SYTL1: variants seen among roughly 807,000 people sequenced by gnomAD.
SYTL1 encodes synaptotagmin-like protein 1.
SYTL1 carries 53 observed loss-of-function variants against 74.6 expected under a neutral mutation model. The observed-to-expected ratio is 0.71, with a 90% CI of 0.57 to 0.89. The LOEUF is 0.89. Among genes scored for constraint, SYTL1 ranks in the 40% least tolerant of loss-of-function variants. The pLI is 0.00. For synonymous variants in SYTL1, 329 were observed against 324.9 expected (o/e 1.01, Z -0.14); for missense variants, 728 against 768.7 (o/e 0.95, Z 0.63).
rs781121106 is a variant in SYTL1, at chr1:27,351,203, C to T, written c.1165-55C>T. The stretch of plus-strand genomic sequence containing the variant: ...CCCATCCGGGTCTGCAGACCCCACC[C>T]TCCTGAGGCCCCTTTCCATTAGCCC... On this transcript the variant is annotated intron_variant, in intron 11 of 14. Coordinates refer to ENST00000616558, the MANE Select transcript of SYTL1 (RefSeq NM_001193308.2). This position sits in a 1 kb window ranked among gnomAD's most constrained non-coding sequence, Gnocchi z 5.0. 15 of 1,539,458 alleles carry T rather than the reference C, an allele frequency of 9.7e-6. No individual in the cohort carries two copies. The highest frequency in any genetic ancestry group is 2.7e-5 in the African/African-American group (2 of 72,928).
chr1:27,347,497 C>T lies in SYTL1; in HGVS notation c.268C>T (p.Gln90Ter). Residue 90 changes from glutamine to a stop codon, truncating the protein, a stop_gained, in exon 3 of 15, where the codon CAG (glutamine) becomes TAG (stop). Coordinates refer to ENST00000616558, the MANE Select transcript of SYTL1 (RefSeq NM_001193308.2). LOFTEE classifies it high-confidence loss of function. The surrounding 1 kb of genome is among the most constrained non-coding windows in gnomAD (Gnocchi z 4.9). ...GGACTGGTTCCAGGAAGCACGCTCCCAGCGGCACCACAATGCCCACTTCGG... is the reference window on the plus strand; with the variant it reads ...GGACTGGTTCCAGGAAGCACGCTCCTAGCGGCACCACAATGCCCACTTCGG... ...TGDWFQEARS[Q>*]RHHNAHFGSD... 1 of 1,614,152 alleles carries T rather than the reference C, an allele frequency of 6.2e-7. No individual in the cohort carries two copies. Among genetic ancestry groups the T allele is most frequent in the Non-Finnish European group, 8.5e-7 (1 of 1,180,054 alleles).
Position 27,353,804 on chromosome 1 carries a change from G to T in SYTL1, c.1641G>T (p.Trp547Cys), listed in dbSNP as rs1248316714. ...WQALLEQPCE[W>C]VDGLLPLRTN... ...CCCTCCTGGAGCAGCCGTGCGAATGGGTGGATGGCCTTCTACCCCTCAGAA... is the reference window on the plus strand; with the variant it reads ...CCCTCCTGGAGCAGCCGTGCGAATGTGTGGATGGCCTTCTACCCCTCAGAA... Residue 547 changes from tryptophan (W) to cysteine (C), a missense_variant, in exon 15 of 15, where the codon TGG becomes TGT. Coordinates refer to ENST00000616558, the MANE Select transcript of SYTL1 (RefSeq NM_001193308.2). The T allele has an allele frequency of 6.2e-7, 1 of 1,614,070 alleles. No homozygotes were observed. The highest frequency in any genetic ancestry group is 8.5e-7 in the Non-Finnish European group (1 of 1,179,956).
rs1222959725 is a variant in SYTL1 at position 27,343,707 on chromosome 1, A to C, written c.-39+1557A>C. On this transcript the variant is annotated intron_variant, in intron 1 of 14. Transcript: ENST00000616558. This position sits in a 1 kb window ranked among gnomAD's most constrained non-coding sequence, Gnocchi z 5.2. ...GCATTTAATTAATCAAACTTTTACC[A>C]ACCATCTGTTGTGTGCAAAGTAATG... Among the ~76,000 whole-genome samples the C allele has an allele frequency of 6.6e-6, 1 of 151,952 alleles. No homozygotes were observed.
intron 14 of SYTL1, 102 bp from the exon 15 acceptor site, chr1:27,353,611 T>G: frequency 6.5e-7 from 1 of 1,549,700 alleles, no homozygotes; most frequent in African/African-American, 1.4e-5. Context: ...GAACTGAGGG[T>G]GGTAACGGGG....
At position 27,351,885 on chromosome 1, in the gene SYTL1, T is replaced by A. The variant is rs2015292757; in HGVS notation, c.1343+330T>A. 4.1e-6 allele frequency: 1 copy of A among 244,174 alleles called. No homozygotes were observed. The highest frequency in any genetic ancestry group is 7.8e-6 in the Non-Finnish European group (1 of 128,168). The allele number at this position is 244,174 out of a possible 1,614,324, so 15.1% of individuals were successfully genotyped here. On this transcript the variant is annotated intron_variant, in intron 13 of 14. Coordinates refer to ENST00000616558, the MANE Select transcript of SYTL1 (RefSeq NM_001193308.2). This position sits in a 1 kb window ranked among gnomAD's most constrained non-coding sequence, Gnocchi z 5.0. The stretch of plus-strand genomic sequence containing the variant: ...TCAGTGTAAGCTTCTAGGGGACTTC[T>A]AGGGGTGCCTCCAGGTGCTGCCCCC...
intron 14 of SYTL1, 103 bp from the exon 15 acceptor site, chr1:27,353,610 G>T: frequency 6.4e-7 from 1 of 1,550,702 alleles, no homozygotes; most frequent in South Asian, 1.2e-5. Flanking sequence ...AGAACTGAGG[G>T]TGGTAACGGG....
rs979378434 is a variant in SYTL1, at chr1:27,349,999, G to A, written c.775G>A (p.Gly259Ser). 1.3e-6 allele frequency: 2 copies of A among 1,568,078 alleles called. No individual in the cohort carries two copies. Among genetic ancestry groups the A allele is most frequent in the African/African-American group, 1.4e-5 (1 of 73,096 alleles). Residue 259 changes from glycine to serine, a missense_variant, in exon 9 of 15, where the codon GGC becomes AGC. Transcript: ENST00000616558. ...GAGCGGCAGCCAGATGAGCCTGTCAGGCGACGCGGAGGCGGTGCAGGTCCG... is the reference window on the plus strand; with the variant it reads ...GAGCGGCAGCCAGATGAGCCTGTCAAGCGACGCGGAGGCGGTGCAGGTCCG... ...TLSGSQMSLS[G>S]DAEAVQVRGS...
chr1:27,343,983 G>C lies in SYTL1; in HGVS notation c.-38-1314G>C, dbSNP rs552213177. Among the ~76,000 whole-genome samples the C allele has an allele frequency of 6.6e-6, 1 of 152,330 alleles. No homozygotes were observed. Among genetic ancestry groups the C allele is most frequent in the Admixed American group, 6.5e-5 (1 of 15,296 alleles). On this transcript the variant is annotated intron_variant, in intron 1 of 14. Coordinates refer to ENST00000616558, the MANE Select transcript of SYTL1 (RefSeq NM_001193308.2). The surrounding 1 kb of genome is among the most constrained non-coding windows in gnomAD (Gnocchi z 5.2). ...GAGTCTCACTCTTGCCCAGGCTGGA[G>C]TGCAGTGGCGCCATCTCAGCTCACT...
Position 27,353,916 on chromosome 1 carries a change from G to A in SYTL1, c.*64G>A. ...CCTGCCCTTGGCTAAAGTCAATAAA[G>A]TCTATTCTAAGAGCAATAAAAGGCT... On this transcript the variant is annotated 3_prime_UTR_variant, in exon 15 of 15. Transcript: ENST00000616558. 1.3e-6 allele frequency: 2 copies of A among 1,485,398 alleles called. No homozygotes were observed. The highest frequency in any genetic ancestry group is 1.9e-6 in the Non-Finnish European group (2 of 1,076,876). 92.0% of individuals were successfully genotyped at this position (1,485,398 alleles called of 1,614,324 possible).
rs1327485801 is a variant in SYTL1 at position 27,349,549 on chromosome 1, G to A, written c.633+51G>A. 3.4e-6 allele frequency: 5 copies of A among 1,471,118 alleles called. No homozygotes were observed. In the East Asian group the frequency reaches 1.3e-4, roughly 37 times the overall value. 91.1% of individuals were successfully genotyped at this position (1,471,118 alleles called of 1,614,324 possible). A position where few individuals can be genotyped will look rare whatever the true frequency, so the allele number is the denominator to read the frequency against. On this transcript the variant is annotated intron_variant, in intron 7 of 14. Coordinates refer to ENST00000616558, the MANE Select transcript of SYTL1 (RefSeq NM_001193308.2). ...TCTCAACATCCGGAGCGGACTCCGG[G>A]CGGGGAGCGCTCCTGCCCAGGGCTG...
rs1329462772 is a variant in SYTL1, at chr1:27,350,123, G to A, written c.899G>A (p.Arg300His). 24 of 1,394,676 alleles carry A rather than the reference G, an allele frequency of 1.7e-5. No homozygotes were observed. Among genetic ancestry groups the A allele is most frequent in the Admixed American group, 1.1e-4 (3 of 26,926 alleles). The allele number at this position is 1,394,676 out of a possible 1,614,324, so 86.4% of individuals were successfully genotyped here. A position where few individuals can be genotyped will look rare whatever the true frequency, so the allele number is the denominator to read the frequency against. ...GGCCTGGCCGCCGCCCGGCGCCGCC[G>A]CTCGGACCCGTGAGTGCCCCGCCGG... ...CQGLAAARRR[R>H]SDPYVKSYLL... Residue 300 changes from arginine (R) to histidine (H), a missense_variant, in exon 9 of 15, where the codon CGC (arginine) becomes CAC (histidine). By Grantham distance (29) the Arg-to-His change is conservative (BLOSUM62 0). Coordinates refer to ENST00000616558, the MANE Select transcript of SYTL1 (RefSeq NM_001193308.2). This position sits in a 1 kb window ranked among gnomAD's most constrained non-coding sequence, Gnocchi z 6.3.
At position 27,350,640 on chromosome 1, in the gene SYTL1, G is replaced by C. The variant is rs950626933; in HGVS notation, c.1006-154G>C. On this transcript the variant is annotated intron_variant, in intron 10 of 14. Transcript: ENST00000616558. The surrounding 1 kb of genome is among the most constrained non-coding windows in gnomAD (Gnocchi z 6.3). The stretch of plus-strand genomic sequence containing the variant: ...ATCCAGTGTTGTCAGCCTCGTGGTG[G>C]GCGTGGTGATAGTGCAGGTCCCCAT... 5 of 1,059,718 alleles carry C rather than the reference G, an allele frequency of 4.7e-6. No homozygotes were observed. The highest frequency in any genetic ancestry group is 6.9e-6 in the Non-Finnish European group (5 of 728,790). The allele number at this position is 1,059,718 out of a possible 1,614,324, so 65.6% of individuals were successfully genotyped here.
rs762271106 is a variant in SYTL1, at chr1:27,348,060, T to TG, written c.459+50dup. On this transcript the variant is annotated intron_variant, in intron 5 of 14. Coordinates refer to ENST00000616558, the MANE Select transcript of SYTL1 (RefSeq NM_001193308.2). This position sits in a 1 kb window ranked among gnomAD's most constrained non-coding sequence, Gnocchi z 4.1. ...GAGTACAGTGTCCCTGGAGGGGAGG[T>TG]GGAATGTGCAGGGGGCAGGGGGGAA... 2 of 1,587,382 alleles carry TG rather than the reference T, an allele frequency of 1.3e-6. No individual in the cohort carries two copies. The highest frequency in any genetic ancestry group is 1.7e-6 in the Non-Finnish European group (2 of 1,158,062).
chr1:27,350,504 T>C lies in SYTL1; in HGVS notation c.1005+19T>C. The C allele has an allele frequency of 6.3e-7, 1 of 1,596,306 alleles. No homozygotes were observed. Among genetic ancestry groups the C allele is most frequent in the Non-Finnish European group, 8.6e-7 (1 of 1,166,300 alleles). ...TCTCCGGGTGAGGCTGTGACCACGA[T>C]GCGGTTCCCCGTTAATGAACTGGAC... On this transcript the variant is annotated intron_variant, in intron 10 of 14. Transcript: ENST00000616558. This position sits in a 1 kb window ranked among gnomAD's most constrained non-coding sequence, Gnocchi z 6.3.
chr1:27,345,242 T>C lies in SYTL1; in HGVS notation c.-38-55T>C. On this transcript the variant is annotated intron_variant, in intron 1 of 14. Transcript: ENST00000616558. The surrounding 1 kb of genome is among the most constrained non-coding windows in gnomAD (Gnocchi z 6.0). ...TTGGGGAGAAAAGGGCTGTTGGTTC[T>C]AGGATGTGCCAAGCATTTGTGCAGG... 1 of 1,008,164 alleles carries C rather than the reference T, an allele frequency of 9.9e-7. No homozygotes were observed. The highest frequency in any genetic ancestry group is 1.4e-6 in the Non-Finnish European group (1 of 713,850). The allele number at this position is 1,008,164 out of a possible 1,614,324, so 62.5% of individuals were successfully genotyped here.
chr1:27,347,743 C>G lies in SYTL1; in HGVS notation c.341-65C>G. 8 of 1,566,424 alleles carry G rather than the reference C, an allele frequency of 5.1e-6. No individual in the cohort carries two copies. The highest frequency in any genetic ancestry group is 6.9e-6 in the Non-Finnish European group (8 of 1,153,270). On this transcript the variant is annotated intron_variant, in intron 3 of 14. Coordinates refer to ENST00000616558, the MANE Select transcript of SYTL1 (RefSeq NM_001193308.2). The surrounding 1 kb of genome is among the most constrained non-coding windows in gnomAD (Gnocchi z 4.9). ...GGGGTGGGTGGGTATCTCCCAGGGCCTCTCCCGAGTCACAGCCAGGCTTCC... is the reference window on the plus strand; with the variant it reads ...GGGGTGGGTGGGTATCTCCCAGGGCGTCTCCCGAGTCACAGCCAGGCTTCC...
rs2015264866 is a variant in SYTL1, at chr1:27,351,322, C to T, written c.1229C>T (p.Pro410Leu). ...GLLALSLKYV[P>L]AGSEGAGLPP... Reference sequence around the variant, plus strand: ...CTCGCCCTGTCCCTCAAGTACGTCCCCGCCGGCTCCGAGGGTGAGTGACAG... The same window carrying T: ...CTCGCCCTGTCCCTCAAGTACGTCCTCGCCGGCTCCGAGGGTGAGTGACAG... The change falls in exon 12 of 15, where the codon CCC becomes CTC. Residue 410 changes from proline (P) to leucine (L), a missense_variant. Physicochemically the swap from Pro to Leu is moderately conservative, Grantham distance 98. Transcript: ENST00000616558. The surrounding 1 kb of genome is among the most constrained non-coding windows in gnomAD (Gnocchi z 5.0). 4 of 1,555,900 alleles carry T rather than the reference C, an allele frequency of 2.6e-6. No individual in the cohort carries two copies. The highest frequency in any genetic ancestry group is 1.8e-4 in the Middle Eastern group (1 of 5,432).
rs545663058 is a variant in SYTL1, at chr1:27,348,976, C to G, written c.460-104C>G. ...CCGGAGGGCTGCCCTAAACCTGAAACTGGGGTAGCTGGCTGGAGCCCTATG... is the reference window on the plus strand; with the variant it reads ...CCGGAGGGCTGCCCTAAACCTGAAAGTGGGGTAGCTGGCTGGAGCCCTATG... On this transcript the variant is annotated intron_variant, in intron 5 of 14. Transcript: ENST00000616558. The surrounding 1 kb of genome is among the most constrained non-coding windows in gnomAD (Gnocchi z 4.1). 9.7e-5 allele frequency: 88 copies of G among 906,180 alleles called. No individual in the cohort carries two copies. In the East Asian group the frequency reaches 2.3e-3, roughly 23 times the overall value. 56.1% of individuals were successfully genotyped at this position (906,180 alleles called of 1,614,324 possible).
chr1:27,347,537 G>A lies in SYTL1; in HGVS notation c.308G>A (p.Arg103Gln), dbSNP rs528890601. 206 of 1,613,956 alleles carry A rather than the reference G, an allele frequency of 1.3e-4. No homozygotes were observed. The highest frequency in any genetic ancestry group is 1.7e-4 in the Admixed American group (10 of 60,002). ...GCCCACTTCGGCTCTGACCTTGTCCGAGCGTCTATGCGCAGGAAGAAGAGC... is the reference window on the plus strand; with the variant it reads ...GCCCACTTCGGCTCTGACCTTGTCCAAGCGTCTATGCGCAGGAAGAAGAGC... Reference protein sequence around the residue: ...HNAHFGSDLVRASMRRKKSTR... With the variant: ...HNAHFGSDLVQASMRRKKSTR... Residue 103 changes from arginine to glutamine, a missense_variant, in exon 3 of 15, where the codon CGA (arginine) becomes CAA (glutamine). By Grantham distance (43) the Arg-to-Gln change is conservative (BLOSUM62 1). Coordinates refer to ENST00000616558, the MANE Select transcript of SYTL1 (RefSeq NM_001193308.2). This position sits in a 1 kb window ranked among gnomAD's most constrained non-coding sequence, Gnocchi z 4.9.
Sources: allele counts gnomAD v4.1 joint callset (sites outside exome capture counted in the v4.1 genomes callset), GRCh38; gene constraint gnomAD v4.1.1; non-coding constraint Gnocchi (gnomAD v3.1); transcripts MANE v1.5; gene names NCBI Gene and HGNC (gene_info 2026-07-23, HGNC 2026-07-21).